The following KLF17 variants were observed in gnomAD, a reference collection of about 807,000 sequenced individuals.
The protein encoded by KLF17 is Krueppel-like factor 17.
Under a neutral mutation model 34.2 loss-of-function variants are expected in KLF17, and 31 were observed. The observed-to-expected ratio is 0.91, with a 90% CI of 0.68 to 1.22. The LOEUF (loss-of-function observed/expected upper bound fraction) is 1.22. Ranked by LOEUF, KLF17 falls within the 50% of genes most tolerant of loss-of-function variation. The probability of loss-of-function intolerance (pLI) is 0.00; values close to 1 mark genes in which losing one functional copy is unlikely to be tolerated. For synonymous variants in KLF17, 179 were observed against 186.7 expected, an observed-to-expected ratio of 0.96 and a Z score of 0.34; for missense variants, 478 against 505.2, an observed-to-expected ratio of 0.95 and a Z score of 0.52.
At chr1:44,063,713 T>C in the KLF17 span, among the ~76,000 whole-genome samples, 1 of 152,220 alleles carries the variant, frequency 6.6e-6, no homozygotes, top group Non-Finnish European at 1.5e-5. Flanking sequence ...TCTTCAACCA[T>C]AGATTCAGAA....
intron 1 of KLF17, chr1:44,122,059 C>T: frequency 7.7e-6 from 6 of 776,914 alleles, no homozygotes; most frequent in South Asian, 1.6e-5. Context: ...TTTTTTGTCC[C>T]ACTTTTATGT....
the KLF17 span, among the ~76,000 whole-genome samples, chr1:44,066,672 T>C: frequency 7.2e-5 from 11 of 152,334 alleles, no homozygotes; most frequent in Admixed American, 4.6e-4. Flanking sequence ...CTTGGATATA[T>C]ACCCAGGAGA....
the KLF17 span, chr1:44,048,289 C>T: frequency 3.3e-5 from 5 of 152,186 alleles, no homozygotes; most frequent in African/African-American, 1.2e-4. Flanking sequence ...GGATTCGTGC[C>T]TGGGGTGATT....
the KLF17 span, among the ~76,000 whole-genome samples, chr1:44,046,786 C>T: frequency 1.3e-5 from 2 of 152,098 alleles, no homozygotes; most frequent in East Asian, 1.9e-4. Flanking sequence ...ATTGGGAGGC[C>T]GAGAGGCAGC....
chr1:44,099,868 A>C, the KLF17 span, among the ~76,000 whole-genome samples: 7 of 63,292 alleles, frequency 1.1e-4, 1 homozygote, highest in African/African-American at 3.3e-4. Flanking sequence ...AAAGAAAGAA[A>C]GAAAGAAAGA....
chr1:44,109,216 T>C, the KLF17 span, among the ~76,000 whole-genome samples: 2 of 152,182 alleles, frequency 1.3e-5, no homozygotes, highest in Admixed American at 6.5e-5. Flanking sequence ...CTCCTGAGGG[T>C]ATTAACAAAT....
chr1:44,083,986 A>G, the KLF17 span, among the ~76,000 whole-genome samples: 1 of 152,084 alleles, frequency 6.6e-6, no homozygotes, highest in East Asian at 1.9e-4. Context: ...GCTCAGTTTC[A>G]CCAGGGTGAT....
At chr1:44,051,095 GC>G in the KLF17 span, 114,473 of 152,156 alleles carry the variant, frequency 0.75, 43,378 homozygotes, top group African/African-American at 0.82. Context: ...GAAAGAAATG[GC>G]CAGTTGGCAA....
the KLF17 span, among the ~76,000 whole-genome samples, chr1:44,045,440 C>T: frequency 6.6e-6 from 1 of 152,204 alleles, no homozygotes; most frequent in Non-Finnish European, 1.5e-5. Flanking sequence ...GTCTCCTTTG[C>T]TGACTTCTCT....
chr1:44,104,512 G>A, the KLF17 span: 27 of 736,592 alleles, frequency 3.7e-5, no homozygotes, highest in Non-Finnish European at 5.5e-5. Context: ...TCCTGGGTGC[G>A]CATGGCCTGG....
At chr1:44,073,654 C>G in the KLF17 span, among the ~76,000 whole-genome samples, 2 of 151,988 alleles carry the variant, frequency 1.3e-5, no homozygotes, top group Non-Finnish European at 2.9e-5. Flanking sequence ...AGGAGGAGAT[C>G]CATTCCCCAA....
rs1351898241 is a variant in KLF17, at chr1:44,133,448, T to G, written c.*211T>G. 6.6e-6 allele frequency: 1 copy of G among 152,254 alleles called. No homozygotes were observed. Among genetic ancestry groups the G allele is most frequent in the Non-Finnish European group, 1.5e-5 (1 of 68,078 alleles). The allele number at this position is 152,254 out of a possible 1,614,324, so 9.4% of individuals were successfully genotyped here. On this transcript the variant is annotated 3_prime_UTR_variant, in exon 4 of 4. Coordinates refer to ENST00000372299, the MANE Select transcript of KLF17 (RefSeq NM_173484.4). ...AAGAAAGACTTCTCAAGGAGGTGCCTCCATCAGACCCAAAGGACTCATGGG... is the reference window on the plus strand; with the variant it reads ...AAGAAAGACTTCTCAAGGAGGTGCCGCCATCAGACCCAAAGGACTCATGGG...
chr1:44,064,645 A>G, the KLF17 span, among the ~76,000 whole-genome samples: 33 of 152,372 alleles, frequency 2.2e-4, 1 homozygote, highest in South Asian at 5.0e-3. Flanking sequence ...ATATCTGATC[A>G]ACATAACAAT....
At chr1:44,104,544 G>A in the KLF17 span, 1 of 691,722 alleles carries the variant, frequency 1.4e-6, no homozygotes, top group East Asian at 2.7e-5. Flanking sequence ...CACCTCCTAA[G>A]GGGGCTCAGC....
the KLF17 span, among the ~76,000 whole-genome samples, chr1:44,085,863 T>C: frequency 6.7e-6 from 1 of 148,924 alleles, no homozygotes; most frequent in Non-Finnish European, 1.5e-5. Flanking sequence ...CATGGTACAT[T>C]CCTGTTATTA....
chr1:44,094,769 G>A, the KLF17 span, among the ~76,000 whole-genome samples: 2 of 152,118 alleles, frequency 1.3e-5, no homozygotes, highest in African/African-American at 2.4e-5. Flanking sequence ...TTTGAAGTCA[G>A]GTAATGTGAT....
chr1:44,127,063 G>GTT (rs71587040), intron 1 of KLF17, among the ~76,000 whole-genome samples: 33,932 of 126,606 alleles, frequency 0.27, 4,650 homozygotes, highest in Non-Finnish European at 0.32. Context: ...TGCCTGGCTT[G>GTT]TTTTTTTTTT....
the KLF17 span, among the ~76,000 whole-genome samples, chr1:44,058,058 C>T: frequency 1.1e-3 from 174 of 152,308 alleles, no homozygotes; most frequent in Non-Finnish European, 2.1e-3. Flanking sequence ...AAGAGATCAT[C>T]CCAAGATTTG....
chr1:44,124,061 G>A (rs1366047629), intron 1 of KLF17, among the ~76,000 whole-genome samples: 1 of 152,090 alleles, frequency 6.6e-6, no homozygotes. Context: ...GTTGAGTGGA[G>A]TGTTCTGTGT....
Sources: allele counts gnomAD v4.1 joint callset (sites outside exome capture counted in the v4.1 genomes callset), GRCh38; gene constraint gnomAD v4.1.1; transcripts MANE v1.5; gene names NCBI Gene and HGNC (gene_info 2026-07-23, HGNC 2026-07-21).